FAF1: variants seen among roughly 807,000 people sequenced by gnomAD.
The protein encoded by FAF1 is FAS-associated factor 1.
A neutral mutation model predicts 92.5 loss-of-function variants in FAF1; 25 were observed. The ratio of observed to expected loss-of-function variants is 0.27; its 90% CI spans 0.20 to 0.38. FAF1 has a LOEUF of 0.38. Among genes scored for constraint, FAF1 ranks in the 10% least tolerant of loss-of-function variants. The probability of loss-of-function intolerance (pLI) is 1.00; values close to 1 mark genes in which losing one functional copy is unlikely to be tolerated. For synonymous variants in FAF1, 234 were observed against 273.2 expected (o/e 0.86, Z 1.42); for missense variants, 636 against 793.3 (o/e 0.80, Z 2.38).
chr1:50,456,424 G>GACC (rs1397768595), intron 18 of FAF1, among the ~76,000 whole-genome samples: 1 of 152,098 alleles, frequency 6.6e-6, no homozygotes, highest in African/African-American at 2.4e-5. Context: ...TTACTTCCAA[G>GACC]ACCACCGTAA....
intron 9 of FAF1, among the ~76,000 whole-genome samples, 191 bp downstream of exon 9, chr1:50,595,930 A>G (rs1651781923): frequency 6.6e-6 from 1 of 152,162 alleles, no homozygotes; most frequent in Admixed American, 6.5e-5. Context: ...CATGAAACTA[A>G]CAGAGCGAGA....
intron 1 of FAF1, among the ~76,000 whole-genome samples, chr1:50,934,105 T>C (rs1467910772): frequency 6.6e-6 from 1 of 152,218 alleles, no homozygotes. Flanking sequence ...TTAACTATAT[T>C]TCTCCTATTT....
At chr1:50,479,092 G>C (rs1174005672) in intron 17 of FAF1, among the ~76,000 whole-genome samples, 2 of 152,208 alleles carry the variant, frequency 1.3e-5, no homozygotes, top group African/African-American at 4.8e-5. Context: ...TAGAAACATA[G>C]GTTTTGGGGT....
At chr1:50,797,853 T>A (rs182972876) in intron 3 of FAF1, among the ~76,000 whole-genome samples, 1 of 152,064 alleles carries the variant, frequency 6.6e-6, no homozygotes, top group African/African-American at 2.4e-5. Flanking sequence ...TAAATAAATA[T>A]AAAAATAACA....
At chr1:50,688,811 T>A (rs1371611266) in intron 7 of FAF1, among the ~76,000 whole-genome samples, 1 of 151,922 alleles carries the variant, frequency 6.6e-6, no homozygotes, top group Non-Finnish European at 1.5e-5. Flanking sequence ...AAACTCTATC[T>A]CAAAATAAAA....
intron 7 of FAF1, among the ~76,000 whole-genome samples, chr1:50,689,951 C>CATAGGAAGA (rs1656844718): frequency 6.6e-6 from 1 of 150,656 alleles, no homozygotes; most frequent in Non-Finnish European, 1.5e-5. Flanking sequence ...CTACAGTATA[C>CATAGGAAGA]ATAGGAAGAT....
In FAF1 at chr1:50,608,649, T is replaced by A. The variant is rs567747921; in HGVS notation, c.745-12433A>T. Reference sequence around the variant, plus strand: ...GAAGGAGAAGTCCTACCCCAAAATGTCTCCCCCTATCTCTCAAATCATTTG... The same window carrying A: ...GAAGGAGAAGTCCTACCCCAAAATGACTCCCCCTATCTCTCAAATCATTTG... On this transcript the variant is annotated intron_variant, in intron 8 of 18. Transcript: ENST00000396153. Among the ~76,000 whole-genome samples the A allele has an allele frequency of 5.9e-5, 9 of 152,256 alleles. No individual in the cohort carries two copies. The South Asian group carries it at 1.9e-3, about 32-fold the overall frequency.
chr1:50,479,851 G>A (rs370676784), intron 17 of FAF1, among the ~76,000 whole-genome samples: 95 of 152,228 alleles, frequency 6.2e-4, no homozygotes, highest in East Asian at 3.1e-3. Flanking sequence ...GAAGAGATAC[G>A]AGGTAAATCA....
intron 18 of FAF1, among the ~76,000 whole-genome samples, chr1:50,444,553 C>G (rs1646206549): frequency 6.6e-6 from 1 of 152,226 alleles, no homozygotes; most frequent in Admixed American, 6.5e-5. Flanking sequence ...TTTTTACAGA[C>G]AGACAGCAGC....
chr1:50,823,331 T>C (rs535579335), intron 2 of FAF1, among the ~76,000 whole-genome samples: 56 of 152,276 alleles, frequency 3.7e-4, no homozygotes, highest in Non-Finnish European at 4.6e-4. Flanking sequence ...GTGCTGGGTA[T>C]TGTGAATAAT....
chr1:50,484,258 G>A (rs773812650), intron 17 of FAF1, among the ~76,000 whole-genome samples: 1 of 152,076 alleles, frequency 6.6e-6, no homozygotes, highest in African/African-American at 2.4e-5. Flanking sequence ...GATAAAGTAA[G>A]TAAGGCAAAT....
intron 4 of FAF1, among the ~76,000 whole-genome samples, chr1:50,776,100 A>C (rs1486383799): frequency 6.6e-6 from 1 of 152,214 alleles, no homozygotes; most frequent in Non-Finnish European, 1.5e-5. Context: ...AACTATGAAG[A>C]ATATGACTGG....
At chr1:50,837,727 G>T (rs1570031287) in intron 2 of FAF1, among the ~76,000 whole-genome samples, 2 of 151,132 alleles carry the variant, frequency 1.3e-5, no homozygotes. Context: ...TAAAAGATAG[G>T]GTTGGGAAAG....
chr1:50,692,688 T>A (rs1656993045), intron 7 of FAF1, among the ~76,000 whole-genome samples: 1 of 152,246 alleles, frequency 6.6e-6, no homozygotes, highest in Non-Finnish European at 1.5e-5. Context: ...TATTCACTGA[T>A]GAACACTTAC....
chr1:50,696,815 C>G (rs574217865), intron 7 of FAF1, among the ~76,000 whole-genome samples: 1 of 152,220 alleles, frequency 6.6e-6, no homozygotes, highest in African/African-American at 2.4e-5. Flanking sequence ...TATTATTTTT[C>G]CTACTGCCCT....
rs77546490 is a variant in FAF1, at chr1:50,515,619, C to T, written c.1494+19750G>A. On this transcript the variant is annotated intron_variant, in intron 15 of 18. Coordinates refer to ENST00000396153, the MANE Select transcript of FAF1 (RefSeq NM_007051.3). ...AGGAACAAAGTGAGTAAGCAAATGTCATACCTATCAAATTAGTTTCCTAAA... is the reference window on the plus strand; with the variant it reads ...AGGAACAAAGTGAGTAAGCAAATGTTATACCTATCAAATTAGTTTCCTAAA... Among the ~76,000 whole-genome samples the T allele has an allele frequency of 1.7e-3, 254 of 152,252 alleles. 5 individuals are homozygous for T. The East Asian group carries it at 0.042, about 25-fold the overall frequency.
chr1:50,757,379 C>T (rs1660118115), intron 4 of FAF1, among the ~76,000 whole-genome samples: 1 of 152,024 alleles, frequency 6.6e-6, no homozygotes, highest in South Asian at 2.1e-4. Flanking sequence ...TGGATTTGTC[C>T]ATTTCTTACT....
intron 7 of FAF1, among the ~76,000 whole-genome samples, chr1:50,683,930 C>CAAA (rs78987324): frequency 8.6e-6 from 1 of 116,154 alleles, no homozygotes; most frequent in African/African-American, 3.1e-5. Flanking sequence ...AACACTCCAT[C>CAAA]AAAAAAAAAA....
At chr1:50,624,186 C>A (rs56778303) in intron 8 of FAF1, among the ~76,000 whole-genome samples, 4,692 of 152,070 alleles carry the variant, frequency 0.031, 241 homozygotes, top group African/African-American at 0.11. Flanking sequence ...CTATCTCTGT[C>A]GCCCAGGCTG....
Sources: gnomAD v4.1 joint callset for allele counts (sites outside exome capture counted in the v4.1 genomes callset) on GRCh38, gnomAD v4.1.1 for gene constraint, MANE v1.5 for transcripts, NCBI Gene and HGNC (gene_info 2026-07-23, HGNC 2026-07-21) for gene names.